Variants in ROR2 observed in about 807,000 individuals in gnomAD.
The protein encoded by ROR2 is ROR family WNT receptor 2.
A neutral mutation model predicts 74.9 loss-of-function variants in ROR2; 33 were observed. That is an observed-to-expected ratio of 0.44 (90% CI 0.33 to 0.59). The LOEUF (loss-of-function observed/expected upper bound fraction) is 0.59. Ranked by LOEUF, ROR2 falls within the 20% of genes least tolerant of loss-of-function variation. ROR2 has a pLI of 0.02. For missense variants in ROR2, 1,216 were observed against 1,313.8 expected (o/e 0.93, Z 1.15); for synonymous variants, 586 against 558.7 (o/e 1.05, Z -0.69).
intron 1 of ROR2, among the ~76,000 whole-genome samples, chr9:91,919,701 G>A (rs1831218445): frequency 6.6e-6 from 1 of 152,052 alleles, no homozygotes; most frequent in Admixed American, 6.6e-5. Flanking sequence ...AAGTCTACTG[G>A]CAGCTGCTTC....
At chr9:91,730,147 T>C (rs887601469) in intron 7 of ROR2, among the ~76,000 whole-genome samples, 1 of 152,306 alleles carries the variant, frequency 6.6e-6, no homozygotes, top group African/African-American at 2.4e-5. Context: ...TTTGCCATGT[T>C]GCTCAGACTG....
intron 1 of ROR2, among the ~76,000 whole-genome samples, chr9:91,818,803 A>G (rs996914564): frequency 6.6e-6 from 1 of 152,068 alleles, no homozygotes; most frequent in South Asian, 2.1e-4. Flanking sequence ...AGCCTTGGGC[A>G]GCCTCACCTC....
At chr9:91,804,482 G>C (rs577776794) in intron 1 of ROR2, among the ~76,000 whole-genome samples, 1 of 152,320 alleles carries the variant, frequency 6.6e-6, no homozygotes, top group Admixed American at 6.5e-5. Context: ...CAAGTGTCAA[G>C]GGCTTAGCAC....
chr9:91,777,431 TCAAAA>T (rs1326770634), intron 1 of ROR2, among the ~76,000 whole-genome samples: 37 of 151,362 alleles, frequency 2.4e-4, no homozygotes, highest in African/African-American at 8.7e-4. Context: ...ATCATCATCA[TCAAAA>T]TGTTATTATT....
intron 1 of ROR2, among the ~76,000 whole-genome samples, chr9:91,869,796 T>C (rs182400375): frequency 3.8e-4 from 58 of 152,266 alleles, no homozygotes; most frequent in African/African-American, 1.2e-3. Context: ...ATCACAAAAA[T>C]CTATTTCGGT....
At position 91,921,269 on chromosome 9, in the gene ROR2, T is replaced by C. The variant is rs1462662871; in HGVS notation, c.97+28598A>G. 3.9e-5 allele frequency among the ~76,000 whole-genome samples: 6 copies of C among 152,242 alleles called. No individual in the cohort carries two copies. In the East Asian group the frequency reaches 5.8e-4, roughly 15 times the overall value. On this transcript the variant is annotated intron_variant, in intron 1 of 8. Coordinates refer to ENST00000375708, the MANE Select transcript of ROR2 (RefSeq NM_004560.4). Reference sequence around the variant, plus strand: ...AAAGAAGTGGCTACTTCAGCCTAAGTACATGCAAAATCAGTCCTTCTTTAA... The same window carrying C: ...AAAGAAGTGGCTACTTCAGCCTAAGCACATGCAAAATCAGTCCTTCTTTAA...
chr9:91,811,296 G>A (rs1193311339), intron 1 of ROR2, among the ~76,000 whole-genome samples: 1 of 152,236 alleles, frequency 6.6e-6, no homozygotes, highest in South Asian at 2.1e-4. Context: ...AACCACGGGG[G>A]AGCGCAGGGC....
At chr9:91,880,039 T>C (rs1163679651) in intron 1 of ROR2, among the ~76,000 whole-genome samples, 1 of 152,160 alleles carries the variant, frequency 6.6e-6, no homozygotes, top group Non-Finnish European at 1.5e-5. Flanking sequence ...AATTCGTATG[T>C]TGAAGCTGTA....
At chr9:91,876,622 C>A (rs549388858) in intron 1 of ROR2, among the ~76,000 whole-genome samples, 1 of 152,066 alleles carries the variant, frequency 6.6e-6, no homozygotes, top group South Asian at 2.1e-4. Context: ...CCAGAGGAAA[C>A]AAAGATGACT....
chr9:91,854,719 G>C (rs1216926341), intron 1 of ROR2, among the ~76,000 whole-genome samples: 1 of 152,174 alleles, frequency 6.6e-6, no homozygotes, highest in Non-Finnish European at 1.5e-5. Flanking sequence ...TTGGTAAGCT[G>C]GAGGTCTCAG....
At chr9:91,753,708 A>C (rs76710986) in intron 4 of ROR2, among the ~76,000 whole-genome samples, 1 of 152,200 alleles carries the variant, frequency 6.6e-6, no homozygotes, top group African/African-American at 2.4e-5. Flanking sequence ...ATGAGTCCAG[A>C]AACAGGGAAA....
intron 1 of ROR2, among the ~76,000 whole-genome samples, chr9:91,927,132 C>T (rs1831426370): frequency 6.6e-6 from 1 of 152,210 alleles, no homozygotes; most frequent in Non-Finnish European, 1.5e-5. Flanking sequence ...ATACTCAGCC[C>T]ACCAGAGCAA....
At chr9:91,747,993 G>C (rs1456634988) in intron 4 of ROR2, among the ~76,000 whole-genome samples, 3 of 152,174 alleles carry the variant, frequency 2.0e-5, no homozygotes, top group Non-Finnish European at 4.4e-5. Context: ...AAGGTCAAGA[G>C]ATCGGTTTTA....
chr9:91,736,027 G>C (rs897790326), intron 5 of ROR2, among the ~76,000 whole-genome samples: 1 of 152,228 alleles, frequency 6.6e-6, no homozygotes, highest in African/African-American at 2.4e-5. Flanking sequence ...ATACATGTAT[G>C]TGTACACTAA....
At chr9:91,795,857 C>T (rs948353317) in intron 1 of ROR2, among the ~76,000 whole-genome samples, 2 of 152,198 alleles carry the variant, frequency 1.3e-5, no homozygotes, top group African/African-American at 4.8e-5. Flanking sequence ...CAAAAATAAG[C>T]ATGAATGTAC....
Position 91,829,767 on chromosome 9 carries a change from T to G in ROR2, c.98-53949A>C, listed in dbSNP as rs552225049. Among the ~76,000 whole-genome samples, 7 of 152,332 alleles carry G rather than the reference T, an allele frequency of 4.6e-5. No homozygotes were observed. The East Asian group carries it at 1.3e-3, about 29-fold the overall frequency. On this transcript the variant is annotated intron_variant, in intron 1 of 8. Coordinates refer to ENST00000375708, the MANE Select transcript of ROR2 (RefSeq NM_004560.4). ...CAAGATCCATACGAATCTTCATTCA[T>G]ATGAATGTTCATTAATGGAAACATT...
intron 1 of ROR2, among the ~76,000 whole-genome samples, chr9:91,825,095 G>A (rs1167109539): frequency 6.6e-6 from 1 of 152,192 alleles, no homozygotes; most frequent in African/African-American, 2.4e-5. Flanking sequence ...CAGACATGGG[G>A]GCCAACAAGA....
chr9:91,762,604 T>A (rs1825949695), intron 2 of ROR2, among the ~76,000 whole-genome samples: 1 of 152,204 alleles, frequency 6.6e-6, no homozygotes, highest in Non-Finnish European at 1.5e-5. Context: ...TTAAAAAAAA[T>A]TCTAGAATGC....
In ROR2 at chr9:91,808,864, G is replaced by A. The variant is rs550210452; in HGVS notation, c.98-33046C>T. ...TAAAAATATAAAAAATTAGCCGGGCGTGGTGGCACGTGCCTGTAGTCCCAG... is the reference window on the plus strand; with the variant it reads ...TAAAAATATAAAAAATTAGCCGGGCATGGTGGCACGTGCCTGTAGTCCCAG... On this transcript the variant is annotated intron_variant, in intron 1 of 8. Coordinates refer to ENST00000375708, the MANE Select transcript of ROR2 (RefSeq NM_004560.4). Among the ~76,000 whole-genome samples, 11 of 150,942 alleles carry A rather than the reference G, an allele frequency of 7.3e-5. 1 individual carries two copies. The highest frequency in any genetic ancestry group is 4.6e-4 in the Admixed American group (7 of 15,150).
Sources: allele counts gnomAD v4.1 joint callset (sites outside exome capture counted in the v4.1 genomes callset), GRCh38; gene constraint gnomAD v4.1.1; transcripts MANE v1.5; gene names NCBI Gene and HGNC (gene_info 2026-07-23, HGNC 2026-07-21).